The following UNC13C variants were observed in gnomAD, a reference collection of about 807,000 sequenced individuals.
UNC13C encodes the protein protein unc-13 homolog C.
In UNC13C, 174 loss-of-function variants were observed where a neutral mutation model predicts 245.4. The ratio of observed to expected loss-of-function variants is 0.71; its 90% confidence interval spans 0.63 to 0.80. The LOEUF (loss-of-function observed/expected upper bound fraction) is 0.80, where lower values mean the gene tolerates loss of function less well. UNC13C is among the 30% of genes least tolerant of loss of function. The pLI is 0.00. For synonymous variants in UNC13C, 992 were observed against 895.1 expected, an observed-to-expected ratio of 1.11 and a Z score of -1.93; for missense variants, 2,829 against 2,602.9, an observed-to-expected ratio of 1.09 and a Z score of -1.89.
intron 18 of UNC13C, among the ~76,000 whole-genome samples, chr15:54,400,949 A>G (rs2040170195): frequency 6.6e-6 from 1 of 152,140 alleles, no homozygotes; most frequent in South Asian, 2.1e-4. Flanking sequence ...TGATGAGTTC[A>G]TGTCCTTTGT....
intron 2 of UNC13C, among the ~76,000 whole-genome samples, chr15:54,071,549 T>C (rs1898327004): frequency 6.6e-6 from 1 of 152,168 alleles, no homozygotes; most frequent in African/African-American, 2.4e-5. Flanking sequence ...CAGTTCTGAA[T>C]GGCTGACTCC....
At chr15:53,969,556 C>T in the UNC13C span, among the ~76,000 whole-genome samples, 1 of 151,704 alleles carries the variant, frequency 6.6e-6, no homozygotes, top group Non-Finnish European at 1.5e-5. Context: ...CATGGTGGCA[C>T]ACACCTGTAG....
chr15:54,208,642 T>G (rs560087613), intron 4 of UNC13C, among the ~76,000 whole-genome samples: 1 of 151,940 alleles, frequency 6.6e-6, no homozygotes, highest in East Asian at 1.9e-4. Context: ...ACTATGAAAA[T>G]AAGAACTAAA....
chr15:54,501,292 G>T (rs1894198860), intron 22 of UNC13C, among the ~76,000 whole-genome samples: 1 of 152,030 alleles, frequency 6.6e-6, no homozygotes, highest in African/African-American at 2.4e-5. Flanking sequence ...AGTAAGCCTT[G>T]GCAATTTCAC....
intron 30 of UNC13C, among the ~76,000 whole-genome samples, chr15:54,596,084 C>T (rs1566930246): frequency 1.3e-5 from 2 of 151,992 alleles, no homozygotes; most frequent in Non-Finnish European, 2.9e-5. Context: ...TATTTTTGGT[C>T]CAAAACCCAG....
intron 2 of UNC13C, among the ~76,000 whole-genome samples, chr15:54,085,163 C>A (rs1899165144): frequency 6.6e-6 from 1 of 152,064 alleles, no homozygotes. Flanking sequence ...AAATAATTTA[C>A]AGATATCAGA....
intron 1 of UNC13C, among the ~76,000 whole-genome samples, chr15:53,994,202 T>G (rs1024435367): frequency 1.1e-4 from 16 of 151,646 alleles, no homozygotes; most frequent in African/African-American, 3.6e-4. Flanking sequence ...AATATCAAAT[T>G]TTTAAAGAAC....
At chr15:54,564,173 C>G (rs1413662861) in intron 29 of UNC13C, among the ~76,000 whole-genome samples, 1 of 151,872 alleles carries the variant, frequency 6.6e-6, no homozygotes, top group South Asian at 2.1e-4. Flanking sequence ...ACATAGCTAC[C>G]CTCTGTCCTG....
At chr15:54,549,528 A>G (rs1376612642) in intron 27 of UNC13C, 107 bp from the exon 28 acceptor site, 4 of 845,738 alleles carry the variant, frequency 4.7e-6, no homozygotes, top group Non-Finnish European at 7.4e-6. Context: ...CATAAGCCAT[A>G]AGTCTTATAA....
At chr15:54,163,784 T>G (rs1309454473) in intron 4 of UNC13C, among the ~76,000 whole-genome samples, 1 of 152,222 alleles carries the variant, frequency 6.6e-6, no homozygotes. Context: ...AGTTGAAGAA[T>G]AATTTTGGAG....
chr15:54,618,441 C>T (rs1354290981), intron 30 of UNC13C, among the ~76,000 whole-genome samples: 1 of 152,178 alleles, frequency 6.6e-6, no homozygotes, highest in Non-Finnish European at 1.5e-5. Flanking sequence ...TTAAATTTTT[C>T]TGAATTGCTC....
At chr15:54,504,835 C>T (rs979987261) in intron 22 of UNC13C, among the ~76,000 whole-genome samples, 1 of 152,050 alleles carries the variant, frequency 6.6e-6, no homozygotes, top group African/African-American at 2.4e-5. Context: ...GAAGTGTTGA[C>T]AGGATATTTA....
chr15:54,411,630 T>G (rs1336611766), intron 18 of UNC13C, among the ~76,000 whole-genome samples: 1 of 152,122 alleles, frequency 6.6e-6, no homozygotes, highest in Non-Finnish European at 1.5e-5. Context: ...TGTTACACAT[T>G]GTTGAAAATT....
Position 54,138,953 on chromosome 15 carries a change from A to ATTTTTT in UNC13C, c.2984-4045_2984-4040dup, listed in dbSNP as rs56255946. ...TGCATATATCTCCAAATTTCCCCTA[A>ATTTTTT]TTTTTTTTTTTTTTTTTTTTTTTTT... On this transcript the variant is annotated intron_variant, in intron 2 of 32. Transcript: ENST00000260323. Among the ~76,000 whole-genome samples, 185 of 48,614 alleles carry ATTTTTT rather than the reference A, an allele frequency of 3.8e-3. 36 individuals are homozygous for ATTTTTT. The highest frequency in any genetic ancestry group is 0.014 in the African/African-American group (172 of 12,740). The allele number at this position is 48,614 out of a possible 152,430, so 31.9% of individuals were successfully genotyped here.
At chr15:54,463,497 GGGAGGAATGAGCAACTCT>G (rs1182873520) in intron 19 of UNC13C, among the ~76,000 whole-genome samples, 1 of 151,728 alleles carries the variant, frequency 6.6e-6, no homozygotes, top group African/African-American at 2.4e-5. Context: ...CGAACCCACT[GGGAGGAATGAGCAACTCT>G]GGAGGAGAGG....
chr15:54,256,504 T>A (rs1021812676), intron 8 of UNC13C, among the ~76,000 whole-genome samples: 1 of 152,104 alleles, frequency 6.6e-6, no homozygotes, highest in African/African-American at 2.4e-5. Context: ...ATAAACAATG[T>A]ATAAATTTTA....
chr15:54,485,453 A>G (rs1317269146), intron 19 of UNC13C, among the ~76,000 whole-genome samples: 2 of 152,152 alleles, frequency 1.3e-5, no homozygotes, highest in East Asian at 1.9e-4. Flanking sequence ...TTCTACCACA[A>G]TCATCACTGC....
At position 54,314,679 on chromosome 15, in the gene UNC13C, A is replaced by G. The variant is rs180828329; in HGVS notation, c.4269-7260A>G. On this transcript the variant is annotated intron_variant, in intron 13 of 32. Transcript: ENST00000260323. Reference sequence around the variant, plus strand: ...AACATTGGCAAAACAAAAACAATTAAGTATTTAAAGACTAAGTTGGAATTA... The same window carrying G: ...AACATTGGCAAAACAAAAACAATTAGGTATTTAAAGACTAAGTTGGAATTA... Among the ~76,000 whole-genome samples, 32 of 151,964 alleles carry G rather than the reference A, an allele frequency of 2.1e-4. No homozygotes were observed. The Middle Eastern group carries it at 0.01, about 48-fold the overall frequency.
chr15:54,434,989 T>C (rs1277676529), intron 19 of UNC13C, among the ~76,000 whole-genome samples: 1 of 152,104 alleles, frequency 6.6e-6, no homozygotes, highest in Non-Finnish European at 1.5e-5. Flanking sequence ...AAGCTCATCA[T>C]CACTGTTCAT....
Sources: allele counts gnomAD v4.1 joint callset (sites outside exome capture counted in the v4.1 genomes callset), GRCh38; gene constraint gnomAD v4.1.1; transcripts MANE v1.5; gene names NCBI Gene and HGNC (gene_info 2026-07-23, HGNC 2026-07-21).